The following SLC25A37 variants were observed in gnomAD, a reference collection of about 807,000 sequenced individuals.
SLC25A37 encodes solute carrier family 25 member 37.
In SLC25A37, 17 loss-of-function variants were observed where a neutral mutation model predicts 31.0. The observed-to-expected ratio is 0.55, with a 90% CI of 0.38 to 0.82. SLC25A37 has a LOEUF of 0.82. SLC25A37 is among the 40% of genes least tolerant of loss of function. The probability of loss-of-function intolerance (pLI) is 0.00; values close to 1 mark genes in which losing one functional copy is unlikely to be tolerated. For missense variants in SLC25A37, 404 were observed against 465.8 expected (o/e 0.87, Z 1.22); for synonymous variants, 222 against 193.0 (o/e 1.15, Z -1.24).
At chr8:23,558,953 C>T (rs1802438957) in intron 1 of SLC25A37, among the ~76,000 whole-genome samples, 1 of 152,232 alleles carries the variant, frequency 6.6e-6, no homozygotes, top group South Asian at 2.1e-4. Context: ...CACACAGTTG[C>T]CAGAGGGGTC....
chr8:23,561,049 A>C (rs1802501683), intron 1 of SLC25A37, among the ~76,000 whole-genome samples: 1 of 152,200 alleles, frequency 6.6e-6, no homozygotes. Context: ...ATGGTCTTGC[A>C]CTCAGTAAAT....
chr8:23,565,124 G>C (rs548868991), intron 1 of SLC25A37, among the ~76,000 whole-genome samples: 1 of 152,118 alleles, frequency 6.6e-6, no homozygotes, highest in South Asian at 2.1e-4. Context: ...TTTCTCACGA[G>C]GCCTTCAGCT....
At chr8:23,564,464 G>A (rs995689882) in intron 1 of SLC25A37, among the ~76,000 whole-genome samples, 7 of 151,064 alleles carry the variant, frequency 4.6e-5, no homozygotes, top group African/African-American at 1.7e-4. Flanking sequence ...ATGTGTGTTG[G>A]GGGGGAGTGG....
chr8:23,574,230 C>T lies in SLC25A37; in HGVS notation c.*2375C>T, dbSNP rs978044010. The T allele has an allele frequency of 3.2e-5, 6 of 189,448 alleles. No homozygotes were observed. The highest frequency in any genetic ancestry group is 4.7e-5 in the African/African-American group (2 of 42,850). 11.7% of individuals were successfully genotyped at this position (189,448 alleles called of 1,614,324 possible). On this transcript the variant is annotated 3_prime_UTR_variant, in exon 4 of 4. Coordinates refer to ENST00000519973, the MANE Select transcript of SLC25A37 (RefSeq NM_016612.4). Reference sequence around the variant, plus strand: ...TGTAATCCCAGCACTTTGGGGAGGCCGAGGCAGGCGGATCACTTGAGGCCA... The same window carrying T: ...TGTAATCCCAGCACTTTGGGGAGGCTGAGGCAGGCGGATCACTTGAGGCCA...
rs768123244 is a variant in SLC25A37 at position 23,528,958 on chromosome 8, C to A, written c.-45C>A. 4 of 1,402,794 alleles carry A rather than the reference C, an allele frequency of 2.9e-6. No homozygotes were observed. Among genetic ancestry groups the A allele is most frequent in the South Asian group, 3.0e-5 (2 of 67,276 alleles). The allele number at this position is 1,402,794 out of a possible 1,614,324, so 86.9% of individuals were successfully genotyped here. A position where few individuals can be genotyped will look rare whatever the true frequency, so the allele number is the denominator to read the frequency against. ...AGTGAAGTTTTGCGCCCCTCCCCCT[C>A]CCTGCCCACCTCCTGCAGCCTCCTG... On this transcript the variant is annotated 5_prime_UTR_variant, in exon 1 of 4. Transcript: ENST00000519973.
At chr8:23,537,046 A>T (rs1246559345) in intron 1 of SLC25A37, among the ~76,000 whole-genome samples, 1 of 152,026 alleles carries the variant, frequency 6.6e-6, no homozygotes, top group South Asian at 2.1e-4. Context: ...AAATAAAAAC[A>T]TTAGCTTGGT....
At chr8:23,568,467 T>C in intron 3 of SLC25A37, 89 bp downstream of exon 3, 1 of 1,472,220 alleles carries the variant, frequency 6.8e-7, no homozygotes, top group Non-Finnish European at 9.5e-7. Context: ...GGACTGAAGG[T>C]GGGCAGAGCG....
intron 1 of SLC25A37, among the ~76,000 whole-genome samples, chr8:23,564,873 G>A (rs967919083): frequency 1.3e-5 from 2 of 151,954 alleles, no homozygotes; most frequent in Non-Finnish European, 2.9e-5. Context: ...CTGTCTGTCT[G>A]TCTGTCTACC....
chr8:23,568,476 C>CA lies in SLC25A37; in HGVS notation c.496+98_496+99insA, dbSNP rs1585204668. Reference sequence around the variant, plus strand: ...TGGAGAGGACTGAAGGTGGGCAGAGCGGCTCCTAGTCTCCAGTCAGAGCAG... The same window carrying CA: ...TGGAGAGGACTGAAGGTGGGCAGAGCAGGCTCCTAGTCTCCAGTCAGAGCAG... On this transcript the variant is annotated intron_variant, in intron 3 of 3. Transcript: ENST00000519973. The CA allele has an allele frequency of 1.7e-5, 23 of 1,364,620 alleles. No individual in the cohort carries two copies. In the East Asian group the frequency reaches 5.3e-4, roughly 31 times the overall value. 84.5% of individuals were successfully genotyped at this position (1,364,620 alleles called of 1,614,324 possible).
At chr8:23,555,908 G>A (rs1195843225) in intron 1 of SLC25A37, among the ~76,000 whole-genome samples, 1 of 152,234 alleles carries the variant, frequency 6.6e-6, no homozygotes, top group African/African-American at 2.4e-5. Flanking sequence ...GGAAAGCCAC[G>A]TAGACCTGAT....
In SLC25A37 at chr8:23,542,291, C is replaced by A. The variant is rs374931144; in HGVS notation, c.210+13079C>A. On this transcript the variant is annotated intron_variant, in intron 1 of 3. Coordinates refer to ENST00000519973, the MANE Select transcript of SLC25A37 (RefSeq NM_016612.4). Reference sequence around the variant, plus strand: ...TAGCACACACAATTAGTAGGTAATGCTTGCAAATAATAATGAAAGACTCTG... The same window carrying A: ...TAGCACACACAATTAGTAGGTAATGATTGCAAATAATAATGAAAGACTCTG... Among the ~76,000 whole-genome samples the A allele has an allele frequency of 3.5e-4, 53 of 151,580 alleles. 2 individuals are homozygous for A. The highest frequency in any genetic ancestry group is 2.9e-3 in the South Asian group (14 of 4,816).
rs1802948842 is a variant in SLC25A37 at position 23,575,039 on chromosome 8, T to C, written c.*3184T>C. On this transcript the variant is annotated 3_prime_UTR_variant, in exon 4 of 4. Transcript: ENST00000519973. ...TCCCCATGACTATGTTTTCTTAACT[T>C]TGCATTGAATCTATTTACTGGGTTA... 6.6e-6 allele frequency: 1 copy of C among 152,246 alleles called. No homozygotes were observed. Among genetic ancestry groups the C allele is most frequent in the Non-Finnish European group, 1.5e-5 (1 of 68,050 alleles). The allele number at this position is 152,246 out of a possible 1,614,324, so 9.4% of individuals were successfully genotyped here. A position where few individuals can be genotyped will look rare whatever the true frequency, so the allele number is the denominator to read the frequency against.
chr8:23,553,706 C>T lies in SLC25A37; in HGVS notation c.211-12402C>T, dbSNP rs544149867. 3.9e-5 allele frequency among the ~76,000 whole-genome samples: 6 copies of T among 152,328 alleles called. No individual in the cohort carries two copies. In the East Asian group the frequency reaches 7.7e-4, roughly 20 times the overall value. On this transcript the variant is annotated intron_variant, in intron 1 of 3. Transcript: ENST00000519973. ...GACCTCAGCTGGTTAATGTCTCAAG[C>T]GCTTCTTTAGGAGACAGAATGGGTT...
At position 23,566,520 on chromosome 8, in the gene SLC25A37, A is replaced by C. The variant is rs772299664; in HGVS notation, c.439+184A>C. The C allele has an allele frequency of 2.2e-6, 3 of 1,348,856 alleles. No individual in the cohort carries two copies. The African/African-American group carries it at 4.6e-5, about 21-fold the overall frequency. The allele number at this position is 1,348,856 out of a possible 1,614,324, so 83.6% of individuals were successfully genotyped here. On this transcript the variant is annotated intron_variant, in intron 2 of 3. Transcript: ENST00000519973. ...CACGCACACACACGCGCGCGCACAC[A>C]CATGCTTTTTTCTGTTCCCCTCCGC...
intron 1 of SLC25A37, among the ~76,000 whole-genome samples, chr8:23,560,280 T>C (rs1007991835): frequency 1.4e-4 from 21 of 151,966 alleles, no homozygotes; most frequent in African/African-American, 4.8e-4. Context: ...AAAATAAAAA[T>C]AAAAAATAAA....
rs954357471 is a variant in SLC25A37 at position 23,572,547 on chromosome 8, T to A, written c.*692T>A. On this transcript the variant is annotated 3_prime_UTR_variant, in exon 4 of 4. Coordinates refer to ENST00000519973, the MANE Select transcript of SLC25A37 (RefSeq NM_016612.4). ...ATGTAAAATAATAAAGTTTATATTT[T>A]GAATTTCTCTTTTCATGGGGGAAAA... is the stretch of plus-strand genomic sequence containing the variant. 1.3e-5 allele frequency: 2 copies of A among 152,604 alleles called. No homozygotes were observed. Among genetic ancestry groups the A allele is most frequent in the Non-Finnish European group, 2.9e-5 (2 of 68,044 alleles). The allele number at this position is 152,604 out of a possible 1,614,324, so 9.5% of individuals were successfully genotyped here.
At chr8:23,560,367 C>T (rs1274973989) in intron 1 of SLC25A37, among the ~76,000 whole-genome samples, 1 of 152,262 alleles carries the variant, frequency 6.6e-6, no homozygotes, top group Admixed American at 6.5e-5. Flanking sequence ...CCTTCTGCCT[C>T]TCTTGCCTCT....
rs796281787 is a variant in SLC25A37, at chr8:23,553,865, GTCC to G, written c.211-12240_211-12238del. Reference sequence around the variant, plus strand: ...ACTCTTGCAGCTGGGCATAGACACAGTCCTCAGGGGTTTTGTGGACATTAACAA... The same window carrying G: ...ACTCTTGCAGCTGGGCATAGACACAGTCAGGGGTTTTGTGGACATTAACAA... On this transcript the variant is annotated intron_variant, in intron 1 of 3. Coordinates refer to ENST00000519973, the MANE Select transcript of SLC25A37 (RefSeq NM_016612.4). Among the ~76,000 whole-genome samples, 43 of 152,310 alleles carry G rather than the reference GTCC, an allele frequency of 2.8e-4. 1 individual carries two copies. The South Asian group carries it at 2.9e-3, about 10-fold the overall frequency.
intron 1 of SLC25A37, among the ~76,000 whole-genome samples, chr8:23,530,511 C>G (rs1801642485): frequency 6.6e-6 from 1 of 152,252 alleles, no homozygotes; most frequent in South Asian, 2.1e-4. Context: ...CATGGGCTTC[C>G]AAGGTGCTGC....
Sources: gnomAD v4.1 joint callset for allele counts (sites outside exome capture counted in the v4.1 genomes callset) on GRCh38, gnomAD v4.1.1 for gene constraint, MANE v1.5 for transcripts, NCBI Gene and HGNC (gene_info 2026-07-23, HGNC 2026-07-21) for gene names.